Variants in BCAS4 observed in about 807,000 individuals in gnomAD.
BCAS4 encodes breast carcinoma amplified sequence 4, also known as breast carcinoma-amplified sequence 4.
In BCAS4, 9 loss-of-function variants were observed where a neutral mutation model predicts 15.7. That is an observed-to-expected ratio of 0.57 (90% CI 0.34 to 1.00). The LOEUF (loss-of-function observed/expected upper bound fraction) is 1.00, where lower values mean the gene tolerates loss of function less well. BCAS4 is among the 50% of genes least tolerant of loss of function. BCAS4 has a pLI of 0.02. For missense variants in BCAS4, 225 were observed against 239.1 expected, an observed-to-expected ratio of 0.94 and a Z score of 0.39; for synonymous variants, 101 against 99.5, an observed-to-expected ratio of 1.02 and a Z score of -0.09.
chr20:50,866,882 T>C (rs922614452), intron 4 of BCAS4, among the ~76,000 whole-genome samples: 2 of 152,168 alleles, frequency 1.3e-5, no homozygotes, highest in African/African-American at 2.4e-5. Context: ...GTTCCCTGCC[T>C]CTCTCAGCCG....
chr20:50,801,418 ACT>A (rs1267010431), intron 1 of BCAS4, among the ~76,000 whole-genome samples: 1 of 151,824 alleles, frequency 6.6e-6, no homozygotes, highest in Non-Finnish European at 1.5e-5. Flanking sequence ...CAAGAGTGAG[ACT>A]CTGTCTCAAA....
intron 4 of BCAS4, among the ~76,000 whole-genome samples, chr20:50,875,793 A>G (rs1280572021): frequency 1.1e-4 from 16 of 151,746 alleles, no homozygotes; most frequent in African/African-American, 3.6e-4. Flanking sequence ...AAAGAAAAAA[A>G]AAAATCAGTC....
chr20:50,876,131 A>C (rs991778982), intron 4 of BCAS4: 1 of 411,884 alleles, frequency 2.4e-6, no homozygotes, highest in South Asian at 1.8e-5. Flanking sequence ...CTGTATTTTT[A>C]GTAGAGACAG....
At chr20:50,862,909 A>T (rs1042103129) in intron 4 of BCAS4, among the ~76,000 whole-genome samples, 8 of 151,654 alleles carry the variant, frequency 5.3e-5, no homozygotes, top group African/African-American at 1.9e-4. Flanking sequence ...GCACAATCTC[A>T]GCTCACTGCA....
At chr20:50,819,883 C>G (rs1038987192) in intron 2 of BCAS4, among the ~76,000 whole-genome samples, 8 of 152,162 alleles carry the variant, frequency 5.3e-5, no homozygotes, top group African/African-American at 1.9e-4. Flanking sequence ...TAGAGTCTCG[C>G]TCTGTCCCCC....
Position 50,876,561 on chromosome 20 carries a change from G to A in BCAS4, c.475G>A (p.Ala159Thr), listed in dbSNP as rs140059699. The A allele has an allele frequency of 8.3e-4, 1,334 of 1,614,036 alleles. 7 individuals are homozygous for A. Among genetic ancestry groups the A allele is most frequent in the Middle Eastern group, 6.4e-3 (39 of 6,060 alleles). ...YRTEDYFPVDAGEAQHHPRTC... is the reference protein window; with the variant it reads ...YRTEDYFPVDTGEAQHHPRTC... ...GACGGAGGACTATTTTCCTGTGGAC[G>A]CCGGGGAAGCACAGCACCACCCCCG... Residue 159 changes from alanine to threonine, a missense_variant, in exon 5 of 5, where the codon GCC (alanine) becomes ACC (threonine). Ala to Thr is a moderately conservative substitution (Grantham distance 58). Coordinates refer to ENST00000371608, the MANE Select transcript of BCAS4 (RefSeq NM_198799.4).
At chr20:50,850,931 A>G (rs116592962) in intron 4 of BCAS4, among the ~76,000 whole-genome samples, 140 of 152,278 alleles carry the variant, frequency 9.2e-4, no homozygotes, top group African/African-American at 3.3e-3. Context: ...TAAGGGAGGT[A>G]ATGAGGCCAT....
At chr20:50,856,659 T>C (rs1439750579) in intron 4 of BCAS4, among the ~76,000 whole-genome samples, 1 of 152,114 alleles carries the variant, frequency 6.6e-6, no homozygotes, top group African/African-American at 2.4e-5. Flanking sequence ...CCCCTGGAAG[T>C]GTGTGCATTG....
intron 1 of BCAS4, among the ~76,000 whole-genome samples, chr20:50,809,014 G>C (rs762291930): frequency 3.9e-5 from 6 of 152,034 alleles, no homozygotes; most frequent in Non-Finnish European, 7.4e-5. Flanking sequence ...TTTGTATAAG[G>C]TGAGAGATGA....
intron 1 of BCAS4, among the ~76,000 whole-genome samples, chr20:50,816,703 C>G (rs1412761086): frequency 6.6e-6 from 1 of 151,810 alleles, no homozygotes; most frequent in Non-Finnish European, 1.5e-5. Context: ...GTCGCCCAGC[C>G]TGGAGTGCAG....
At chr20:50,872,095 AC>A (rs1250858417) in intron 4 of BCAS4, among the ~76,000 whole-genome samples, 28 of 151,800 alleles carry the variant, frequency 1.8e-4, no homozygotes, top group Admixed American at 1.3e-3. Flanking sequence ...CCCTATCTCT[AC>A]AAAAATACAA....
intron 4 of BCAS4, among the ~76,000 whole-genome samples, chr20:50,855,637 G>A (rs192484730): frequency 5.9e-5 from 9 of 151,944 alleles, no homozygotes; most frequent in Admixed American, 6.5e-5. Flanking sequence ...TCTGTCTGCC[G>A]TCCACCAGCC....
At chr20:50,862,824 A>G (rs972044063) in intron 4 of BCAS4, among the ~76,000 whole-genome samples, 2 of 151,870 alleles carry the variant, frequency 1.3e-5, no homozygotes, top group African/African-American at 2.4e-5. Flanking sequence ...CTCGTTTTGC[A>G]CTCAGGGCTT....
chr20:50,794,940 G>A (rs2087830821), upstream of BCAS4: 2 of 1,159,762 alleles, frequency 1.7e-6, no homozygotes, highest in Non-Finnish European at 2.1e-6. Context: ...GGAGCTGCGA[G>A]CCGCGACCGC....
intron 4 of BCAS4, among the ~76,000 whole-genome samples, chr20:50,861,870 T>A (rs1475347018): frequency 2.9e-5 from 4 of 139,774 alleles, no homozygotes; most frequent in Admixed American, 7.1e-5. Flanking sequence ...TTTTTTTTTT[T>A]AGATACGGGT....
intron 4 of BCAS4, among the ~76,000 whole-genome samples, chr20:50,856,817 C>CACCT (rs1306080327): frequency 1.3e-5 from 2 of 152,168 alleles, no homozygotes; most frequent in East Asian, 3.9e-4. Flanking sequence ...ATTTATTGAG[C>CACCT]ACCTACTGTG....
chr20:50,844,769 G>A (rs2088523407), intron 4 of BCAS4, among the ~76,000 whole-genome samples: 1 of 152,134 alleles, frequency 6.6e-6, no homozygotes. Flanking sequence ...GGTGTGGCTG[G>A]GGCATGCTGG....
In BCAS4 at chr20:50,851,346, A is replaced by AG. The variant is rs1978408948; in HGVS notation, c.399+9446_399+9447insG. On this transcript the variant is annotated intron_variant, in intron 4 of 4. Transcript: ENST00000371608. The surrounding 1 kb of genome is among the most constrained non-coding windows in gnomAD (Gnocchi z 4.3). ...CGAGGGGTGCCGGGTCCCAGCCCCC[A>AG]CCTACCAGCCCCCTCCCCACGGCTC... 8.6e-5 allele frequency among the ~76,000 whole-genome samples: 13 copies of AG among 151,718 alleles called. No individual in the cohort carries two copies. The South Asian group carries it at 2.7e-3, about 32-fold the overall frequency.
chr20:50,797,176 G>A (rs537136676), intron 1 of BCAS4, among the ~76,000 whole-genome samples: 92 of 152,240 alleles, frequency 6.0e-4, no homozygotes, highest in African/African-American at 1.5e-3. Context: ...ACTTGCTGCT[G>A]TAATACTGTC....
Sources: allele counts gnomAD v4.1 joint callset (sites outside exome capture counted in the v4.1 genomes callset), GRCh38; gene constraint gnomAD v4.1.1; non-coding constraint Gnocchi (gnomAD v3.1); transcripts MANE v1.5; gene names NCBI Gene and HGNC (gene_info 2026-07-23, HGNC 2026-07-21).